CCDC158: variants seen among roughly 807,000 people sequenced by gnomAD.
CCDC158 encodes coiled-coil domain-containing protein 158.
Under a neutral mutation model 138.6 loss-of-function variants are expected in CCDC158, and 116 were observed. The observed-to-expected ratio is 0.84, with a 90% confidence interval of 0.72 to 0.98. The LOEUF (loss-of-function observed/expected upper bound fraction) is 0.98. Ranked by LOEUF, CCDC158 falls within the 50% of genes least tolerant of loss-of-function variation. The probability of loss-of-function intolerance (pLI) is 0.00; values close to 1 mark genes in which losing one functional copy is unlikely to be tolerated. For missense variants in CCDC158, 1,265 were observed against 1,306.1 expected, an observed-to-expected ratio of 0.97 and a Z score of 0.48; for synonymous variants, 436 against 442.4, an observed-to-expected ratio of 0.99 and a Z score of 0.18.
chr4:76,383,296 C>T (rs971916604), intron 7 of CCDC158, among the ~76,000 whole-genome samples: 17 of 152,274 alleles, frequency 1.1e-4, no homozygotes, highest in African/African-American at 2.6e-4. Context: ...TATCTAAGCC[C>T]TTGGCCTGCA....
chr4:76,354,036 T>C (rs1447534139), intron 15 of CCDC158, among the ~76,000 whole-genome samples: 2 of 152,066 alleles, frequency 1.3e-5, no homozygotes, highest in African/African-American at 4.8e-5. Flanking sequence ...TCTGAGTAGA[T>C]TAGGCAGAAA....
At chr4:76,364,857 T>C (rs944905194) in intron 12 of CCDC158, among the ~76,000 whole-genome samples, 1 of 152,208 alleles carries the variant, frequency 6.6e-6, no homozygotes, top group Non-Finnish European at 1.5e-5. Context: ...CTTTTGGCTG[T>C]TCAAAAAGGA....
intron 1 of CCDC158, among the ~76,000 whole-genome samples, chr4:76,413,357 C>T (rs1729442819): frequency 6.6e-6 from 1 of 151,498 alleles, no homozygotes; most frequent in Admixed American, 6.6e-5. Context: ...TACCTGTAGT[C>T]CCAGCTCCTC....
intron 10 of CCDC158, among the ~76,000 whole-genome samples, 175 bp from the exon 11 acceptor site, chr4:76,369,798 T>C (rs1725067129): frequency 6.6e-6 from 1 of 152,202 alleles, no homozygotes. Flanking sequence ...TAAGTTAACA[T>C]TTTGCTTAAA....
At chr4:76,325,311 CT>C (rs1334982822) in intron 23 of CCDC158, among the ~76,000 whole-genome samples, 1 of 152,176 alleles carries the variant, frequency 6.6e-6, no homozygotes, top group Non-Finnish European at 1.5e-5. Flanking sequence ...TGTTTGGTCA[CT>C]GTCATACATG....
At chr4:76,418,036 A>G (rs1432082878) in intron 1 of CCDC158, among the ~76,000 whole-genome samples, 1 of 152,192 alleles carries the variant, frequency 6.6e-6, no homozygotes, top group Non-Finnish European at 1.5e-5. Flanking sequence ...TGGCGGAGGT[A>G]AAGCTCATGG....
chr4:76,319,132 C>A (rs541309653), intron 24 of CCDC158, among the ~76,000 whole-genome samples: 1 of 151,924 alleles, frequency 6.6e-6, no homozygotes, highest in Non-Finnish European at 1.5e-5. Context: ...ATTAGCCAGG[C>A]GTGCTGGTGG....
intron 6 of CCDC158, among the ~76,000 whole-genome samples, 157 bp downstream of exon 6, chr4:76,383,931 A>T (rs1352905646): frequency 6.6e-6 from 1 of 152,226 alleles, no homozygotes; most frequent in Non-Finnish European, 1.5e-5. Flanking sequence ...AAACCAAGCT[A>T]GTTCCTATTA....
At chr4:76,418,088 C>T (rs1425474055) in intron 1 of CCDC158, among the ~76,000 whole-genome samples, 1 of 152,184 alleles carries the variant, frequency 6.6e-6, no homozygotes, top group East Asian at 1.9e-4. Flanking sequence ...GGGGCTTATT[C>T]TAAACGCAAC....
intron 14 of CCDC158, 88 bp from the exon 15 acceptor site, chr4:76,355,524 G>A: frequency 1.2e-6 from 1 of 856,322 alleles, no homozygotes; most frequent in Non-Finnish European, 2.0e-6. Context: ...ATGAGAAGGT[G>A]ACAAGTAAGA....
chr4:76,411,877 C>T (rs10022284), intron 2 of CCDC158, among the ~76,000 whole-genome samples: 96,136 of 152,036 alleles, frequency 0.63, 30,819 homozygotes, highest in East Asian at 0.8. Flanking sequence ...CACAGAGGGC[C>T]CCACTGAACA....
At chr4:76,378,564 G>A (rs996987266) in intron 9 of CCDC158, among the ~76,000 whole-genome samples, 1 of 152,186 alleles carries the variant, frequency 6.6e-6, no homozygotes, top group Non-Finnish European at 1.5e-5. Context: ...GGTGTAAACC[G>A]AGACTGTCCC....
chr4:76,411,839 T>TC (rs1729322107), intron 2 of CCDC158, among the ~76,000 whole-genome samples: 1 of 152,122 alleles, frequency 6.6e-6, no homozygotes, highest in African/African-American at 2.4e-5. Flanking sequence ...CACACCCTCC[T>TC]CTCTGCCCCA....
chr4:76,343,879 A>G (rs1722293763), intron 18 of CCDC158, among the ~76,000 whole-genome samples: 1 of 152,190 alleles, frequency 6.6e-6, no homozygotes, highest in Non-Finnish European at 1.5e-5. Flanking sequence ...ACATAAAGAG[A>G]AGACTTTAGA....
chr4:76,358,950 A>G (rs1723847394), intron 13 of CCDC158, among the ~76,000 whole-genome samples: 1 of 152,186 alleles, frequency 6.6e-6, no homozygotes, highest in Non-Finnish European at 1.5e-5. Context: ...CCCAAATCGC[A>G]TGTCCTGTTG....
At chr4:76,416,464 T>C (rs1297296785) in intron 1 of CCDC158, among the ~76,000 whole-genome samples, 1 of 152,034 alleles carries the variant, frequency 6.6e-6, no homozygotes, top group African/African-American at 2.4e-5. Flanking sequence ...CTAATGTTAA[T>C]CCCCAAGACC....
intron 2 of CCDC158, among the ~76,000 whole-genome samples, chr4:76,411,522 A>T (rs932134871): frequency 2.6e-5 from 4 of 152,252 alleles, no homozygotes; most frequent in African/African-American, 9.6e-5. Flanking sequence ...ATATAGGCCC[A>T]CTAACAAAAG....
chr4:76,324,272 C>G (rs1720319140), intron 23 of CCDC158, among the ~76,000 whole-genome samples: 1 of 151,254 alleles, frequency 6.6e-6, no homozygotes, highest in Non-Finnish European at 1.5e-5. Context: ...ATTGCAACCT[C>G]TGCCTCCCGG....
intron 9 of CCDC158, among the ~76,000 whole-genome samples, chr4:76,371,755 T>C (rs995571833): frequency 6.6e-6 from 1 of 152,050 alleles, no homozygotes; most frequent in Admixed American, 6.5e-5. Context: ...CTGGCCAACA[T>C]GGCAAAATCC....
Sources: allele counts gnomAD v4.1 joint callset (sites outside exome capture counted in the v4.1 genomes callset), GRCh38; gene constraint gnomAD v4.1.1; transcripts MANE v1.5; gene names NCBI Gene and HGNC (gene_info 2026-07-23, HGNC 2026-07-21).